The following FHOD3 variants were observed in gnomAD, a reference collection of about 807,000 sequenced individuals.
The protein encoded by FHOD3 is FH1/FH2 domain-containing protein 3.
A neutral mutation model predicts 173.0 loss-of-function variants in FHOD3; 90 were observed. The observed-to-expected ratio is 0.52, with a 90% CI of 0.44 to 0.62. The LOEUF (loss-of-function observed/expected upper bound fraction) is 0.62, where lower values mean the gene tolerates loss of function less well. Ranked by LOEUF, FHOD3 falls within the 20% of genes least tolerant of loss-of-function variation. FHOD3 has a pLI of 0.00. For synonymous variants in FHOD3, 828 were observed against 823.0 expected (o/e 1.01, Z -0.10); for missense variants, 1,945 against 2,034.7 (o/e 0.96, Z 0.85).
intron 18 of FHOD3, among the ~76,000 whole-genome samples, chr18:36,713,575 G>A (rs890948765): frequency 2.6e-5 from 4 of 152,174 alleles, no homozygotes; most frequent in African/African-American, 9.7e-5. Flanking sequence ...GAAAAAATAA[G>A]ATGTAGCGTT....
chr18:36,680,255 T>C (rs2038147585), intron 14 of FHOD3, among the ~76,000 whole-genome samples: 1 of 152,160 alleles, frequency 6.6e-6, no homozygotes, highest in Non-Finnish European at 1.5e-5. Flanking sequence ...GACTCACCTT[T>C]TCTAGGGAGA....
At chr18:36,312,698 A>G (rs1360001592) in intron 1 of FHOD3, among the ~76,000 whole-genome samples, 2 of 152,218 alleles carry the variant, frequency 1.3e-5, no homozygotes, top group Non-Finnish European at 2.9e-5. Flanking sequence ...AAAGTGCTCA[A>G]TAAATATTTA....
chr18:36,390,687 G>A (rs1321480398), intron 3 of FHOD3, among the ~76,000 whole-genome samples: 1 of 152,190 alleles, frequency 6.6e-6, no homozygotes, highest in Non-Finnish European at 1.5e-5. Context: ...TTTGAGATGT[G>A]TATATTTGAA....
At chr18:36,566,009 G>A (rs554593990) in intron 5 of FHOD3, among the ~76,000 whole-genome samples, 7 of 152,222 alleles carry the variant, frequency 4.6e-5, no homozygotes, top group African/African-American at 1.2e-4. Context: ...TCCCTTAAAC[G>A]GGATTATATC....
chr18:36,663,638 C>T (rs58210718), intron 14 of FHOD3, among the ~76,000 whole-genome samples: 6,082 of 152,316 alleles, frequency 0.04, 400 homozygotes, highest in African/African-American at 0.14. Flanking sequence ...CTTAAGCTCT[C>T]TCTTATGGGA....
At chr18:36,559,815 G>A (rs2058026757) in intron 5 of FHOD3, among the ~76,000 whole-genome samples, 1 of 152,082 alleles carries the variant, frequency 6.6e-6, no homozygotes, top group South Asian at 2.1e-4. Flanking sequence ...CCCCTCCCAA[G>A]GTCTGGGAAG....
At chr18:36,647,310 T>C (rs937218697) in intron 10 of FHOD3, among the ~76,000 whole-genome samples, 3 of 152,172 alleles carry the variant, frequency 2.0e-5, no homozygotes, top group Non-Finnish European at 1.5e-5. Flanking sequence ...ACTTGGACAC[T>C]TCAAAGAAGA....
chr18:36,474,810 G>A (rs1790640), intron 3 of FHOD3, among the ~76,000 whole-genome samples: 66,485 of 151,882 alleles, frequency 0.44, 15,138 homozygotes, highest in South Asian at 0.58. Context: ...CCATGGCTGG[G>A]AGTAAATTCC....
At chr18:36,508,672 G>A (rs1420209989) in intron 4 of FHOD3, among the ~76,000 whole-genome samples, 54 of 148,188 alleles carry the variant, frequency 3.6e-4, no homozygotes, top group African/African-American at 1.3e-3. Context: ...ACAGGTGAAA[G>A]ATGCTAGCAA....
chr18:36,562,972 G>T (rs1413902753), intron 5 of FHOD3, among the ~76,000 whole-genome samples: 1 of 152,140 alleles, frequency 6.6e-6, no homozygotes, highest in Non-Finnish European at 1.5e-5. Flanking sequence ...GTCAGTCAGG[G>T]CCTGGGATGC....
intron 28 of FHOD3, chr18:36,777,788 CA>C (rs1415244689): frequency 2.0e-5 from 3 of 152,180 alleles, no homozygotes; most frequent in Non-Finnish European, 4.4e-5. Flanking sequence ...GCCAAGGGAT[CA>C]GGGGTGGGGG....
intron 10 of FHOD3, among the ~76,000 whole-genome samples, chr18:36,632,134 T>C (rs1194308830): frequency 6.6e-6 from 1 of 152,214 alleles, no homozygotes; most frequent in African/African-American, 2.4e-5. Flanking sequence ...ATTTTAAATA[T>C]TGATATTGCC....
At chr18:36,607,163 A>G (rs2032174504) in intron 8 of FHOD3, among the ~76,000 whole-genome samples, 1 of 152,108 alleles carries the variant, frequency 6.6e-6, no homozygotes, top group African/African-American at 2.4e-5. Flanking sequence ...CCTGTGACAA[A>G]TCTCTTCCTG....
At chr18:36,723,187 C>T (rs1458147692) in intron 19 of FHOD3, among the ~76,000 whole-genome samples, 3 of 152,202 alleles carry the variant, frequency 2.0e-5, no homozygotes, top group Non-Finnish European at 4.4e-5. Flanking sequence ...TGAATTCATG[C>T]AGGAAGTCTG....
At chr18:36,739,268 A>G (rs1052901534) in intron 20 of FHOD3, among the ~76,000 whole-genome samples, 1 of 152,238 alleles carries the variant, frequency 6.6e-6, no homozygotes, top group African/African-American at 2.4e-5. Flanking sequence ...CATATAATTG[A>G]AAATAGATTT....
At chr18:36,663,062 C>T (rs544633938) in intron 14 of FHOD3, among the ~76,000 whole-genome samples, 1 of 152,122 alleles carries the variant, frequency 6.6e-6, no homozygotes, top group Admixed American at 6.5e-5. Flanking sequence ...CATGTAGAAA[C>T]ATTCAATTTC....
intron 5 of FHOD3, among the ~76,000 whole-genome samples, chr18:36,538,640 G>A (rs767775128): frequency 6.6e-6 from 1 of 152,184 alleles, no homozygotes; most frequent in Non-Finnish European, 1.5e-5. Context: ...GCAATGAAAA[G>A]GAATGAAATT....
chr18:36,457,904 A>G (rs72891761), intron 3 of FHOD3, among the ~76,000 whole-genome samples: 4,875 of 152,298 alleles, frequency 0.032, 109 homozygotes, highest in Non-Finnish European at 0.054. Context: ...CATGCTATTT[A>G]TTTCATGAAT....
chr18:36,764,956 G>A (rs2043076693), intron 27 of FHOD3, among the ~76,000 whole-genome samples: 1 of 152,164 alleles, frequency 6.6e-6, no homozygotes, highest in Non-Finnish European at 1.5e-5. Flanking sequence ...CCAAATCTGG[G>A]CACAAGCTGA....
Sources: gnomAD v4.1 joint callset for allele counts (sites outside exome capture counted in the v4.1 genomes callset) on GRCh38, gnomAD v4.1.1 for gene constraint, MANE v1.5 for transcripts, NCBI Gene and HGNC (gene_info 2026-07-23, HGNC 2026-07-21) for gene names.